NKAIN3: variants seen among roughly 807,000 people sequenced by gnomAD.
The protein encoded by NKAIN3 is sodium/potassium-transporting ATPase subunit beta-1-interacting protein 3.
Under a neutral mutation model 30.2 loss-of-function variants are expected in NKAIN3, and 25 were observed. The observed-to-expected ratio is 0.83, with a 90% CI of 0.60 to 1.16. NKAIN3 has a LOEUF of 1.16. Ranked by LOEUF, NKAIN3 falls within the 50% of genes most tolerant of loss-of-function variation. The pLI is 0.00. For synonymous variants in NKAIN3, 91 were observed against 89.6 expected (o/e 1.02, Z -0.09); for missense variants, 225 against 254.1 (o/e 0.89, Z 0.78).
chr8:62,424,781 A>G (rs1371975258), intron 1 of NKAIN3, among the ~76,000 whole-genome samples: 1 of 151,956 alleles, frequency 6.6e-6, no homozygotes, highest in Non-Finnish European at 1.5e-5. Flanking sequence ...TGATCCAGCA[A>G]TACCACTTCT....
intron 3 of NKAIN3, among the ~76,000 whole-genome samples, chr8:62,644,649 T>C (rs1005735445): frequency 6.6e-6 from 1 of 152,150 alleles, no homozygotes; most frequent in African/African-American, 2.4e-5. Flanking sequence ...TTAGCTTTGG[T>C]TGTGACTAAA....
intron 3 of NKAIN3, among the ~76,000 whole-genome samples, chr8:62,739,567 T>C (rs1435921696): frequency 1.3e-5 from 2 of 152,144 alleles, no homozygotes; most frequent in Non-Finnish European, 2.9e-5. Context: ...TGCAAAAAAA[T>C]TGAAATCCAT....
intron 1 of NKAIN3, among the ~76,000 whole-genome samples, chr8:62,319,757 T>C (rs1024043351): frequency 6.6e-6 from 1 of 152,172 alleles, no homozygotes; most frequent in African/African-American, 2.4e-5. Flanking sequence ...TCCAACTATG[T>C]GGCCAATTTT....
chr8:62,291,808 G>A (rs1458862506), intron 1 of NKAIN3, among the ~76,000 whole-genome samples: 5 of 152,184 alleles, frequency 3.3e-5, no homozygotes, highest in Admixed American at 6.5e-5. Context: ...ATTCTGTCTC[G>A]TTGATCTGTC....
intron 1 of NKAIN3, among the ~76,000 whole-genome samples, chr8:62,450,133 C>G (rs1805598081): frequency 6.6e-6 from 1 of 152,076 alleles, no homozygotes; most frequent in Non-Finnish European, 1.5e-5. Context: ...CTAGATTTAT[C>G]AAAATTATGT....
chr8:62,723,103 G>A (rs962135586), intron 3 of NKAIN3, among the ~76,000 whole-genome samples: 2 of 152,026 alleles, frequency 1.3e-5, no homozygotes, highest in East Asian at 3.9e-4. Flanking sequence ...ATCAGCTGCC[G>A]CATCCATAGG....
chr8:62,259,874 C>T (rs529034244), intron 1 of NKAIN3, among the ~76,000 whole-genome samples: 7 of 151,986 alleles, frequency 4.6e-5, no homozygotes, highest in Non-Finnish European at 5.9e-5. Context: ...TAAAAGGAGA[C>T]GAAGGTGAAG....
intron 1 of NKAIN3, among the ~76,000 whole-genome samples, chr8:62,470,123 A>T (rs888707414): frequency 6.6e-6 from 1 of 152,164 alleles, no homozygotes. Context: ...TGTTTTATTG[A>T]TTGGGTACCT....
At position 62,815,364 on chromosome 8, in the gene NKAIN3, A is replaced by G. The variant is rs183294429; in HGVS notation, c.471+68235A>G. Among the ~76,000 whole-genome samples the G allele has an allele frequency of 9.7e-3, 1,476 of 152,290 alleles. 22 individuals are homozygous for G. The highest frequency in any genetic ancestry group is 0.034 in the African/African-American group (1,393 of 41,538). The stretch of plus-strand genomic sequence containing the variant: ...GAAAAGAGGGAATCCTCCCTAACTC[A>G]TTTTATGAGGCCAGCATCATCCTGA... On this transcript the variant is annotated intron_variant, in intron 4 of 6. Coordinates refer to ENST00000623646, the MANE Select transcript of NKAIN3 (RefSeq NM_001304533.3).
At chr8:62,866,916 TTGG>T (rs529821663) in intron 4 of NKAIN3, among the ~76,000 whole-genome samples, 97 of 124,792 alleles carry the variant, frequency 7.8e-4, no homozygotes, top group African/African-American at 2.7e-3. Flanking sequence ...TTGGCCGGGC[TTGG>T]TGGCGGGTGC....
intron 4 of NKAIN3, among the ~76,000 whole-genome samples, chr8:62,887,734 T>C (rs1821191342): frequency 6.6e-6 from 1 of 152,342 alleles, no homozygotes; most frequent in African/African-American, 2.4e-5. Context: ...CCTTTTACTT[T>C]TTTCTTAGAA....
intron 5 of NKAIN3, among the ~76,000 whole-genome samples, chr8:62,951,631 G>A (rs533840619): frequency 1.4e-3 from 208 of 151,750 alleles, no homozygotes; most frequent in Middle Eastern, 0.01. Flanking sequence ...GCTAATTTTT[G>A]AATTTTTTTT....
At chr8:62,747,426 A>G (rs1420486667) in intron 4 of NKAIN3, among the ~76,000 whole-genome samples, 1 of 152,210 alleles carries the variant, frequency 6.6e-6, no homozygotes, top group African/African-American at 2.4e-5. Context: ...CTTTTCACTT[A>G]ACTACCTCAG....
intron 1 of NKAIN3, among the ~76,000 whole-genome samples, chr8:62,398,336 G>A (rs1045380330): frequency 1.3e-5 from 2 of 152,146 alleles, no homozygotes; most frequent in African/African-American, 4.8e-5. Flanking sequence ...CCTATAGTTA[G>A]AATGAAGTGT....
In NKAIN3 at chr8:62,698,479, C is replaced by T. The variant is rs141936382; in HGVS notation, c.274-48453C>T. 2.9e-4 allele frequency among the ~76,000 whole-genome samples: 44 copies of T among 152,278 alleles called. 1 individual carries two copies. In the East Asian group the frequency reaches 6.8e-3, roughly 23 times the overall value. On this transcript the variant is annotated intron_variant, in intron 3 of 6. Coordinates refer to ENST00000623646, the MANE Select transcript of NKAIN3 (RefSeq NM_001304533.3). ...GTGGTCCCTGCAACACAAAGGAGAGCACACACACCCTCTCACTTGCTCTAG... is the reference window on the plus strand; with the variant it reads ...GTGGTCCCTGCAACACAAAGGAGAGTACACACACCCTCTCACTTGCTCTAG...
chr8:62,876,011 A>C (rs1411878378), intron 4 of NKAIN3, among the ~76,000 whole-genome samples: 1 of 152,226 alleles, frequency 6.6e-6, no homozygotes, highest in African/African-American at 2.4e-5. Flanking sequence ...AATGTACAGC[A>C]AAAGAAACTA....
Position 62,565,099 on chromosome 8 carries a change from C to T in NKAIN3, c.55-14440C>T, listed in dbSNP as rs114308953. On this transcript the variant is annotated intron_variant, in intron 1 of 6. Transcript: ENST00000623646. ...TAACTAAAATCCCATTATACATACA[C>T]ATGATTTTTTCCTACATAAAGTATT... Among the ~76,000 whole-genome samples, 926 of 152,178 alleles carry T rather than the reference C, an allele frequency of 6.1e-3. 10 individuals are homozygous for T. Among genetic ancestry groups the T allele is most frequent in the African/African-American group, 0.021 (876 of 41,530 alleles).
At chr8:62,620,511 G>T (rs1367055953) in intron 3 of NKAIN3, among the ~76,000 whole-genome samples, 2 of 152,100 alleles carry the variant, frequency 1.3e-5, no homozygotes, top group African/African-American at 4.8e-5. Context: ...AACAATTTAA[G>T]AGATGCAGGG....
At chr8:62,395,190 C>T (rs536637172) in intron 1 of NKAIN3, among the ~76,000 whole-genome samples, 3 of 149,964 alleles carry the variant, frequency 2.0e-5, no homozygotes, top group South Asian at 2.1e-4. Flanking sequence ...GTGCAGCGGA[C>T]GGGCAGCAGC....
Sources: allele counts gnomAD v4.1 joint callset (sites outside exome capture counted in the v4.1 genomes callset), GRCh38; gene constraint gnomAD v4.1.1; transcripts MANE v1.5; gene names NCBI Gene and HGNC (gene_info 2026-07-23, HGNC 2026-07-21).